Variants in NUBPL observed in about 807,000 individuals in gnomAD.
NUBPL encodes iron-sulfur cluster transfer protein NUBPL.
A neutral mutation model predicts 45.7 loss-of-function variants in NUBPL; 31 were observed. That is an observed-to-expected ratio of 0.68 (90% CI 0.51 to 0.92). NUBPL has a LOEUF of 0.92. NUBPL is among the 40% of genes least tolerant of loss of function. The pLI, the probability that NUBPL is intolerant of heterozygous loss-of-function variation, is 0.00. For synonymous variants in NUBPL, 144 were observed against 140.9 expected (o/e 1.02, Z -0.15); for missense variants, 401 against 398.7 (o/e 1.01, Z -0.05).
chr14:31,665,770 A>G (rs1399760251), intron 4 of NUBPL, among the ~76,000 whole-genome samples: 2 of 152,098 alleles, frequency 1.3e-5, no homozygotes, highest in African/African-American at 4.8e-5. Flanking sequence ...GCTGAGTTCA[A>G]GTCCTGAATC....
At chr14:31,754,617 T>G (rs1399626948) in intron 6 of NUBPL, among the ~76,000 whole-genome samples, 1 of 139,708 alleles carries the variant, frequency 7.2e-6, no homozygotes, top group Non-Finnish European at 1.5e-5. Context: ...TTTTTTCTAT[T>G]TGAGATCTTG....
intron 6 of NUBPL, among the ~76,000 whole-genome samples, chr14:31,749,737 A>G (rs904721343): frequency 1.3e-4 from 20 of 151,874 alleles, no homozygotes; most frequent in African/African-American, 4.6e-4. Context: ...TTGAATGTTT[A>G]TAACTCTCCC....
intron 4 of NUBPL, among the ~76,000 whole-genome samples, chr14:31,623,293 A>G (rs1253206002): frequency 6.6e-6 from 1 of 152,228 alleles, no homozygotes; most frequent in Non-Finnish European, 1.5e-5. Flanking sequence ...TTACAGACTC[A>G]TATGTGGAAG....
At chr14:31,598,745 G>A (rs2034348973) in intron 3 of NUBPL, among the ~76,000 whole-genome samples, 1 of 152,144 alleles carries the variant, frequency 6.6e-6, no homozygotes, top group African/African-American at 2.4e-5. Flanking sequence ...TGTTAGGTGT[G>A]CCAGTATCCT....
At chr14:31,577,709 G>C (rs1285059040) in intron 3 of NUBPL, among the ~76,000 whole-genome samples, 1 of 152,180 alleles carries the variant, frequency 6.6e-6, no homozygotes, top group African/African-American at 2.4e-5. Context: ...ACCGCACCTG[G>C]CTGCTTGGCT....
At chr14:31,611,184 A>G (rs1370755421) in intron 4 of NUBPL, among the ~76,000 whole-genome samples, 1 of 152,198 alleles carries the variant, frequency 6.6e-6, no homozygotes, top group African/African-American at 2.4e-5. Context: ...GAAAAACCTA[A>G]AGACTCCACA....
At chr14:31,761,332 G>A (rs898588958) in intron 6 of NUBPL, among the ~76,000 whole-genome samples, 1 of 152,112 alleles carries the variant, frequency 6.6e-6, no homozygotes, top group African/African-American at 2.4e-5. Flanking sequence ...ATGCCACCAT[G>A]CGCGGCTAAT....
At chr14:31,843,974 A>G (rs1241291383) in intron 8 of NUBPL, 1 of 152,218 alleles carries the variant, frequency 6.6e-6, no homozygotes, top group African/African-American at 2.4e-5. Context: ...ACTGTATGCT[A>G]TTCCTTGTGT....
At chr14:31,651,723 C>T (rs1245332575) in intron 4 of NUBPL, among the ~76,000 whole-genome samples, 1 of 151,580 alleles carries the variant, frequency 6.6e-6, no homozygotes, top group Non-Finnish European at 1.5e-5. Context: ...ATGGTGAAAC[C>T]CCATCTCTAC....
At chr14:31,572,264 C>T (rs2033606161) in intron 3 of NUBPL, among the ~76,000 whole-genome samples, 1 of 151,986 alleles carries the variant, frequency 6.6e-6, no homozygotes, top group Non-Finnish European at 1.5e-5. Flanking sequence ...CTCAGCCTCC[C>T]GAGTAGCTGG....
intron 6 of NUBPL, among the ~76,000 whole-genome samples, chr14:31,772,917 G>T (rs1295452156): frequency 6.6e-6 from 1 of 152,048 alleles, no homozygotes; most frequent in Non-Finnish European, 1.5e-5. Flanking sequence ...AAGGATTAGA[G>T]AACTTTTTAT....
intron 4 of NUBPL, among the ~76,000 whole-genome samples, chr14:31,655,259 A>C (rs1220328121): frequency 6.6e-6 from 1 of 152,224 alleles, no homozygotes; most frequent in Non-Finnish European, 1.5e-5. Flanking sequence ...TATGAAGTGT[A>C]TTTCTGTAAT....
chr14:31,757,051 C>A (rs906740214), intron 6 of NUBPL, among the ~76,000 whole-genome samples: 3 of 151,928 alleles, frequency 2.0e-5, no homozygotes, highest in African/African-American at 7.3e-5. Flanking sequence ...GGGATGAAGC[C>A]CACTTGATTA....
At chr14:31,583,547 A>G (rs999157074) in intron 3 of NUBPL, among the ~76,000 whole-genome samples, 1 of 152,234 alleles carries the variant, frequency 6.6e-6, no homozygotes, top group Admixed American at 6.5e-5. Flanking sequence ...GGATTGAGAG[A>G]AGACTTCCCC....
At chr14:31,736,328 C>G (rs944223058) in intron 6 of NUBPL, among the ~76,000 whole-genome samples, 32 of 152,270 alleles carry the variant, frequency 2.1e-4, no homozygotes, top group African/African-American at 7.7e-4. Flanking sequence ...TAACTACTCT[C>G]AAGATCAAGA....
At chr14:31,625,932 A>T (rs577212622) in intron 4 of NUBPL, among the ~76,000 whole-genome samples, 2 of 152,276 alleles carry the variant, frequency 1.3e-5, no homozygotes, top group African/African-American at 4.8e-5. Flanking sequence ...TACCCCGATA[A>T]GGCTTGCAAT....
At chr14:31,610,608 C>CAAAAAAAAAA (rs775656176) in intron 4 of NUBPL, among the ~76,000 whole-genome samples, 8 of 94,662 alleles carry the variant, frequency 8.5e-5, no homozygotes, top group Admixed American at 1.2e-4. Flanking sequence ...AAAGATACAT[C>CAAAAAAAAAA]AAAAAAAAAA....
At chr14:31,653,080 C>T (rs975779171) in intron 4 of NUBPL, among the ~76,000 whole-genome samples, 1 of 151,992 alleles carries the variant, frequency 6.6e-6, no homozygotes, top group Non-Finnish European at 1.5e-5. Context: ...TTACATACTT[C>T]AAAGGGCAAA....
chr14:31,737,455 T>C (rs767181941), intron 6 of NUBPL, among the ~76,000 whole-genome samples: 5 of 132,110 alleles, frequency 3.8e-5, no homozygotes, highest in Non-Finnish European at 6.4e-5. Flanking sequence ...GCTGTCTCCC[T>C]AAGCATCCTA....
Sources: allele counts gnomAD v4.1 joint callset (sites outside exome capture counted in the v4.1 genomes callset), GRCh38; gene constraint gnomAD v4.1.1; transcripts MANE v1.5; gene names NCBI Gene and HGNC (gene_info 2026-07-23, HGNC 2026-07-21).